The following ARHGAP32 variants were observed in gnomAD, a reference collection of about 807,000 sequenced individuals.
The protein encoded by ARHGAP32 is rho GTPase-activating protein 32.
A neutral mutation model predicts 186.5 loss-of-function variants in ARHGAP32; 51 were observed. That is an observed-to-expected ratio of 0.27 (90% confidence interval 0.22 to 0.35). The LOEUF is 0.35. Ranked by LOEUF, ARHGAP32 falls within the 10% of genes least tolerant of loss-of-function variation. The probability of loss-of-function intolerance (pLI) is 1.00; values close to 1 mark genes in which losing one functional copy is unlikely to be tolerated. For synonymous variants in ARHGAP32, 950 were observed against 964.3 expected, an observed-to-expected ratio of 0.99 and a Z score of 0.27; for missense variants, 2,186 against 2,623.5, an observed-to-expected ratio of 0.83 and a Z score of 3.64.
chr11:129,008,685 C>G (rs1396649831), intron 11 of ARHGAP32, among the ~76,000 whole-genome samples: 1 of 152,156 alleles, frequency 6.6e-6, no homozygotes, highest in African/African-American at 2.4e-5. Flanking sequence ...TTCTATACCA[C>G]CTGTTAAAAC....
intron 1 of ARHGAP32, among the ~76,000 whole-genome samples, chr11:129,232,865 C>T (rs560229969): frequency 6.6e-5 from 10 of 152,214 alleles, no homozygotes; most frequent in Admixed American, 3.9e-4. Flanking sequence ...CTTCTCTTTC[C>T]GCTACCAGCC....
At chr11:129,186,888 A>T (rs1469470978) in intron 1 of ARHGAP32, among the ~76,000 whole-genome samples, 1 of 152,182 alleles carries the variant, frequency 6.6e-6, no homozygotes, top group Non-Finnish European at 1.5e-5. Flanking sequence ...AATGTGGAGA[A>T]ATGGGAACCC....
intron 11 of ARHGAP32, among the ~76,000 whole-genome samples, chr11:129,020,122 CTTTAG>C (rs1344288549): frequency 1.3e-5 from 2 of 151,790 alleles, no homozygotes; most frequent in Middle Eastern, 3.4e-3. Context: ...AGAAACATAC[CTTTAG>C]TTTAGGGAAA....
rs751900294 is a variant in ARHGAP32, at chr11:128,969,090, T to C, written c.6123A>G (p.Glu2041=). The change falls in exon 23 of 23, where the codon GAA becomes GAG. Residue 2041 remains glutamate (E), a synonymous_variant. Coordinates refer to ENST00000682385, the MANE Select transcript of ARHGAP32 (RefSeq NM_001378024.1). The surrounding 1 kb of genome is among the most constrained non-coding windows in gnomAD (Gnocchi z 4.8). ...VTVVSQYDNL[E]DYHSLPQHQR... ...GGTGCTGAGGCAGGGAGTGGTAATC[T>C]TCCAGGTTATCATACTGGGACACAA... The C allele has an allele frequency of 2.5e-6, 4 of 1,607,066 alleles. No individual in the cohort carries two copies. Among genetic ancestry groups the C allele is most frequent in the Admixed American group, 3.3e-5 (2 of 59,734 alleles).
intron 1 of ARHGAP32, among the ~76,000 whole-genome samples, chr11:129,174,584 G>C (rs148643777): frequency 0.015 from 2,285 of 152,290 alleles, 23 homozygotes; most frequent in South Asian, 0.031. Context: ...CCAGCACGCA[G>C]CTGGAGATCT....
intron 2 of ARHGAP32, among the ~76,000 whole-genome samples, chr11:129,129,001 C>T (rs1942732100): frequency 6.6e-6 from 1 of 152,202 alleles, no homozygotes; most frequent in Non-Finnish European, 1.5e-5. Flanking sequence ...TGCCTGGCCG[C>T]CACCCCGTCT....
intron 1 of ARHGAP32, among the ~76,000 whole-genome samples, chr11:129,198,696 T>G (rs1186991331): frequency 6.6e-6 from 1 of 152,192 alleles, no homozygotes; most frequent in African/African-American, 2.4e-5. Flanking sequence ...CAGTTTCATG[T>G]ATGTCTTTAT....
chr11:129,155,423 A>G (rs535453937), intron 2 of ARHGAP32, among the ~76,000 whole-genome samples: 1 of 152,354 alleles, frequency 6.6e-6, no homozygotes, highest in African/African-American at 2.4e-5. Flanking sequence ...TTATCATACA[A>G]TGACACCACA....
chr11:129,278,700 C>T (rs759554678), intron 1 of ARHGAP32, among the ~76,000 whole-genome samples: 38 of 152,064 alleles, frequency 2.5e-4, no homozygotes, highest in Non-Finnish European at 4.7e-4. Context: ...CCCCGCGGGG[C>T]CCACGCACAC....
chr11:129,031,942 GGA>G (rs1342767845), intron 11 of ARHGAP32, among the ~76,000 whole-genome samples: 2 of 152,142 alleles, frequency 1.3e-5, no homozygotes, highest in East Asian at 3.9e-4. Context: ...GGACTTCAGA[GGA>G]GAGTTCAGCT....
chr11:129,245,079 C>A (rs1945073438), intron 1 of ARHGAP32, among the ~76,000 whole-genome samples: 1 of 150,702 alleles, frequency 6.6e-6, no homozygotes, highest in Non-Finnish European at 1.5e-5. Context: ...TACCATTTGA[C>A]CCAGCCATCC....
In ARHGAP32 at chr11:129,086,849, T is replaced by C. The variant is rs904715321; in HGVS notation, c.531+6772A>G. Reference sequence around the variant, plus strand: ...AAAAAAAAAAAAAAAGACACACTGATAAAGCACTGTAAACCAAAATACACA... The same window carrying C: ...AAAAAAAAAAAAAAAGACACACTGACAAAGCACTGTAAACCAAAATACACA... On this transcript the variant is annotated intron_variant, in intron 6 of 22. Transcript: ENST00000682385. Among the ~76,000 whole-genome samples, 40 of 146,154 alleles carry C rather than the reference T, an allele frequency of 2.7e-4. No individual in the cohort carries two copies. In the South Asian group the frequency reaches 8.3e-3, roughly 31 times the overall value.
intron 1 of ARHGAP32, among the ~76,000 whole-genome samples, chr11:129,199,424 G>A (rs766626609): frequency 1.2e-4 from 18 of 152,248 alleles, no homozygotes; most frequent in Non-Finnish European, 2.1e-4. Context: ...CCCCTGCTGT[G>A]TGCAGCCTAG....
At chr11:129,177,329 T>C (rs901462795) in intron 1 of ARHGAP32, among the ~76,000 whole-genome samples, 14 of 152,054 alleles carry the variant, frequency 9.2e-5, no homozygotes, top group Non-Finnish European at 2.1e-4. Flanking sequence ...CAGGACCAGA[T>C]GGATTCACAG....
At chr11:129,207,217 G>C (rs2439802) in intron 1 of ARHGAP32, among the ~76,000 whole-genome samples, 1 of 151,848 alleles carries the variant, frequency 6.6e-6, no homozygotes, top group African/African-American at 2.4e-5. Context: ...ATAAACATAC[G>C]TGTGCGTGTG....
chr11:129,262,151 T>C (rs1945329158), intron 1 of ARHGAP32, among the ~76,000 whole-genome samples: 1 of 152,146 alleles, frequency 6.6e-6, no homozygotes, highest in Non-Finnish European at 1.5e-5. Context: ...TTAAAATAGA[T>C]CTTGCAAACT....
intron 2 of ARHGAP32, among the ~76,000 whole-genome samples, chr11:129,140,229 C>T (rs1943022830): frequency 6.6e-6 from 1 of 151,852 alleles, no homozygotes; most frequent in Non-Finnish European, 1.5e-5. Context: ...TGACAGCCAG[C>T]AAGGAAACAG....
chr11:129,277,181 TAAGTC>T (rs1945541772), intron 1 of ARHGAP32, among the ~76,000 whole-genome samples: 1 of 152,026 alleles, frequency 6.6e-6, no homozygotes, highest in Non-Finnish European at 1.5e-5. Context: ...AACACTTGAA[TAAGTC>T]AAGAGAGAAC....
chr11:129,091,668 T>C (rs1369005690), intron 6 of ARHGAP32, among the ~76,000 whole-genome samples: 1 of 152,092 alleles, frequency 6.6e-6, no homozygotes, highest in African/African-American at 2.4e-5. Flanking sequence ...CAGTGTATAA[T>C]GGTGGTCTTA....
Sources: allele counts gnomAD v4.1 joint callset (sites outside exome capture counted in the v4.1 genomes callset), GRCh38; gene constraint gnomAD v4.1.1; non-coding constraint Gnocchi (gnomAD v3.1); transcripts MANE v1.5; gene names NCBI Gene and HGNC (gene_info 2026-07-23, HGNC 2026-07-21).